Variants in KSR2 observed in about 807,000 individuals in gnomAD.
KSR2 encodes kinase suppressor of ras 2.
A neutral mutation model predicts 107.8 loss-of-function variants in KSR2; 25 were observed. That is an observed-to-expected ratio of 0.23 (90% CI 0.17 to 0.32). The LOEUF (loss-of-function observed/expected upper bound fraction) is 0.32. KSR2 is among the 10% of genes least tolerant of loss of function. The pLI is 1.00. For synonymous variants in KSR2, 480 were observed against 507.0 expected, an observed-to-expected ratio of 0.95 and a Z score of 0.71; for missense variants, 887 against 1,268.9, an observed-to-expected ratio of 0.70 and a Z score of 4.57.
At chr12:117,506,897 G>T (rs1873721463) in intron 14 of KSR2, among the ~76,000 whole-genome samples, 1 of 152,032 alleles carries the variant, frequency 6.6e-6, no homozygotes, top group African/African-American at 2.4e-5. Flanking sequence ...ATAAATAAAA[G>T]ATCCAACCCA....
At chr12:117,920,293 T>G (rs963153984) in intron 1 of KSR2, among the ~76,000 whole-genome samples, 2 of 152,014 alleles carry the variant, frequency 1.3e-5, no homozygotes, top group Non-Finnish European at 2.9e-5. Flanking sequence ...GAGATGAGTG[T>G]CTCACTATGT....
chr12:117,789,361 C>G (rs191599524), intron 3 of KSR2, among the ~76,000 whole-genome samples: 1 of 152,296 alleles, frequency 6.6e-6, no homozygotes, highest in African/African-American at 2.4e-5. Flanking sequence ...ATGGAGCCAG[C>G]CTTGCTCAGA....
At chr12:117,469,524 G>T (rs1871314553) in intron 19 of KSR2, 138 bp downstream of exon 19, 9 of 969,818 alleles carry the variant, frequency 9.3e-6, no homozygotes, top group Non-Finnish European at 1.4e-5. Context: ...ACCTAGTAGG[G>T]AAGAGTGGTT....
At chr12:117,860,142 G>T in intron 2 of KSR2, 149 bp downstream of exon 2, 2 of 760,000 alleles carry the variant, frequency 2.6e-6, no homozygotes, top group East Asian at 2.7e-5. Context: ...CAGCGATCCT[G>T]AATGTTTTCG....
At chr12:117,881,173 A>G (rs1894016435) in intron 1 of KSR2, among the ~76,000 whole-genome samples, 1 of 152,224 alleles carries the variant, frequency 6.6e-6, no homozygotes, top group South Asian at 2.1e-4. Flanking sequence ...TTCATGAATC[A>G]ATGAATGAAT....
chr12:117,772,101 T>C (rs1303291573), intron 3 of KSR2, among the ~76,000 whole-genome samples: 1 of 129,150 alleles, frequency 7.7e-6, no homozygotes, highest in African/African-American at 3.0e-5. Flanking sequence ...CACACACACA[T>C]ACACACCTTT....
chr12:117,839,591 G>A (rs751076688), intron 3 of KSR2, among the ~76,000 whole-genome samples: 7 of 152,226 alleles, frequency 4.6e-5, no homozygotes, highest in Non-Finnish European at 1.0e-4. Flanking sequence ...TGCTATCTAG[G>A]AATTTCCAGT....
At chr12:117,943,716 G>T (rs1896084562) in intron 1 of KSR2, among the ~76,000 whole-genome samples, 1 of 152,012 alleles carries the variant, frequency 6.6e-6, no homozygotes, top group African/African-American at 2.4e-5. Flanking sequence ...TAAAACAAAA[G>T]GCCATTGATA....
chr12:117,868,148 C>T (rs1467524411), intron 1 of KSR2, among the ~76,000 whole-genome samples: 1 of 152,146 alleles, frequency 6.6e-6, no homozygotes, highest in Non-Finnish European at 1.5e-5. Flanking sequence ...AAAAATACGG[C>T]CGGGCACAGT....
intron 5 of KSR2, among the ~76,000 whole-genome samples, chr12:117,661,268 A>G (rs966130147): frequency 2.1e-5 from 1 of 46,740 alleles, no homozygotes; most frequent in African/African-American, 3.5e-5. Context: ...CCTGTACCAG[A>G]AAAAAAAAAA....
chr12:117,799,362 C>T (rs191896933), intron 3 of KSR2, among the ~76,000 whole-genome samples: 3 of 152,018 alleles, frequency 2.0e-5, no homozygotes, highest in African/African-American at 7.2e-5. Flanking sequence ...ATTAGCTGGG[C>T]GTGGTGGCAC....
chr12:117,767,415 C>T (rs895019668), intron 3 of KSR2, among the ~76,000 whole-genome samples: 2 of 131,942 alleles, frequency 1.5e-5, no homozygotes, highest in Non-Finnish European at 3.3e-5. Context: ...CCAGCCTGGG[C>T]GACAGAGCGA....
chr12:117,498,514 C>T (rs114887718), intron 14 of KSR2, among the ~76,000 whole-genome samples: 2 of 152,134 alleles, frequency 1.3e-5, no homozygotes, highest in Non-Finnish European at 2.9e-5. Flanking sequence ...CATGGATAAA[C>T]AGAGCAATGA....
chr12:117,825,974 G>A (rs1221364157), intron 3 of KSR2, among the ~76,000 whole-genome samples: 5 of 146,506 alleles, frequency 3.4e-5, no homozygotes, highest in African/African-American at 1.3e-4. Context: ...TGGGTGGGTA[G>A]GTGGGTGAAC....
intron 3 of KSR2, among the ~76,000 whole-genome samples, chr12:117,770,409 C>T (rs1889396477): frequency 6.6e-6 from 1 of 152,116 alleles, no homozygotes; most frequent in Non-Finnish European, 1.5e-5. Flanking sequence ...AACCGATTCT[C>T]TCCCAGAGCC....
At chr12:117,813,295 C>T (rs1891264256) in intron 3 of KSR2, among the ~76,000 whole-genome samples, 1 of 151,784 alleles carries the variant, frequency 6.6e-6, no homozygotes, top group Non-Finnish European at 1.5e-5. Context: ...GGGATTATAT[C>T]AAACTAAAAA....
intron 5 of KSR2, among the ~76,000 whole-genome samples, chr12:117,645,037 G>A (rs1317404871): frequency 1.3e-5 from 2 of 152,240 alleles, no homozygotes; most frequent in Non-Finnish European, 2.9e-5. Flanking sequence ...GTTGGTTAGA[G>A]TGATCAGTTC....
chr12:117,565,176 A>G (rs1250346756), intron 7 of KSR2, among the ~76,000 whole-genome samples: 1 of 152,064 alleles, frequency 6.6e-6, no homozygotes, highest in Non-Finnish European at 1.5e-5. Context: ...GACAGGCAAG[A>G]CCCCTCCTAG....
chr12:117,921,447 G>C (rs919815665), intron 1 of KSR2, among the ~76,000 whole-genome samples: 5 of 152,072 alleles, frequency 3.3e-5, no homozygotes, highest in African/African-American at 4.8e-5. Flanking sequence ...TAGAGATGGG[G>C]TCTTGCTACA....
Sources: gnomAD v4.1 joint callset for allele counts (sites outside exome capture counted in the v4.1 genomes callset) on GRCh38, gnomAD v4.1.1 for gene constraint, MANE v1.5 for transcripts, NCBI Gene and HGNC (gene_info 2026-07-23, HGNC 2026-07-21) for gene names.